Variants in GPC5 observed in about 807,000 individuals in gnomAD.
GPC5 encodes the protein glypican-5.
GPC5 carries 47 observed loss-of-function variants against 53.9 expected under a neutral mutation model. The observed-to-expected ratio is 0.87, with a 90% confidence interval of 0.69 to 1.11. GPC5 has a LOEUF of 1.11. GPC5 is among the 50% of genes most tolerant of loss of function. The probability of loss-of-function intolerance (pLI) is 0.00; values close to 1 mark genes in which losing one functional copy is unlikely to be tolerated. For missense variants in GPC5, 748 were observed against 713.1 expected, an observed-to-expected ratio of 1.05 and a Z score of -0.56; for synonymous variants, 286 against 263.3, an observed-to-expected ratio of 1.09 and a Z score of -0.84.
intron 6 of GPC5, among the ~76,000 whole-genome samples, chr13:91,935,203 T>C (rs2039858838): frequency 6.6e-6 from 1 of 151,942 alleles, no homozygotes; most frequent in African/African-American, 2.4e-5. Flanking sequence ...ATAAGAATAA[T>C]CTCATCTGAA....
intron 7 of GPC5, among the ~76,000 whole-genome samples, chr13:92,771,112 C>G (rs754427047): frequency 3.9e-5 from 6 of 152,120 alleles, no homozygotes; most frequent in Non-Finnish European, 8.8e-5. Context: ...TCCCTGTGAT[C>G]TCCTGACAAC....
chr13:92,181,477 T>C (rs78602692), intron 7 of GPC5, among the ~76,000 whole-genome samples: 4,403 of 152,288 alleles, frequency 0.029, 211 homozygotes, highest in African/African-American at 0.097. Flanking sequence ...TTGCTATATA[T>C]CATGCTAAGT....
In GPC5 at chr13:92,866,636, A is replaced by G. The variant is rs763888531; in HGVS notation, c.*197A>G. ...CGTTTAAATGACACACTTTAAAAAT[A>G]TGTCTTTTTTCAATCTAACTGAAAA... On this transcript the variant is annotated 3_prime_UTR_variant, in exon 8 of 8. Coordinates refer to ENST00000377067, the MANE Select transcript of GPC5 (RefSeq NM_004466.6). The G allele has an allele frequency of 1.0e-5, 4 of 394,900 alleles. No individual in the cohort carries two copies. The highest frequency in any genetic ancestry group is 8.9e-6 in the Non-Finnish European group (2 of 225,350). 24.5% of individuals were successfully genotyped at this position (394,900 alleles called of 1,614,324 possible).
At chr13:92,711,248 A>C (rs2139269748) in intron 7 of GPC5, among the ~76,000 whole-genome samples, 1 of 152,314 alleles carries the variant, frequency 6.6e-6, no homozygotes, top group South Asian at 2.1e-4. Flanking sequence ...GACCCTACTT[A>C]TTAAAAATTT....
intron 7 of GPC5, among the ~76,000 whole-genome samples, chr13:92,314,380 C>T (rs538796884): frequency 6.6e-6 from 1 of 152,232 alleles, no homozygotes; most frequent in South Asian, 2.1e-4. Flanking sequence ...AGTCACACCC[C>T]AAAGAGATAA....
chr13:92,429,617 C>T (rs566712663), intron 7 of GPC5, among the ~76,000 whole-genome samples: 18 of 151,854 alleles, frequency 1.2e-4, no homozygotes, highest in Non-Finnish European at 2.2e-4. Context: ...ACCATTTTCA[C>T]ATATCATTTG....
chr13:92,428,245 G>A (rs1876925422), intron 7 of GPC5, among the ~76,000 whole-genome samples: 1 of 152,052 alleles, frequency 6.6e-6, no homozygotes, highest in Admixed American at 6.6e-5. Flanking sequence ...CTCCTGTCTT[G>A]GATGATATCC....
chr13:92,641,333 C>T (rs1885588643), intron 7 of GPC5, among the ~76,000 whole-genome samples: 1 of 151,998 alleles, frequency 6.6e-6, no homozygotes, highest in African/African-American at 2.4e-5. Flanking sequence ...CATGAGAACA[C>T]ATCAATCAAG....
chr13:92,102,660 TGG>T (rs1230127513), intron 6 of GPC5, among the ~76,000 whole-genome samples: 2 of 152,152 alleles, frequency 1.3e-5, no homozygotes, highest in Non-Finnish European at 2.9e-5. Context: ...CATAGCACAG[TGG>T]GAAGGATTCA....
chr13:91,939,729 A>G (rs1445547279), intron 6 of GPC5, among the ~76,000 whole-genome samples: 1 of 152,156 alleles, frequency 6.6e-6, no homozygotes, highest in East Asian at 1.9e-4. Context: ...TCAGAAGATT[A>G]GACCACATAT....
rs1248607413 is a variant in GPC5, at chr13:92,685,562, T to TTTTTTTTTTTAA, written c.1562-180710_1562-180709insAATTTTTTTTTT. ...TATGCTCATTTTTTTTTTTTTTAAT[T>TTTTTTTTTTTAA]TTTTTTTTTTTTATTATACTCTAAG... On this transcript the variant is annotated intron_variant, in intron 7 of 7. Transcript: ENST00000377067. 2.2e-3 allele frequency among the ~76,000 whole-genome samples: 150 copies of TTTTTTTTTTTAA among 69,386 alleles called. 1 individual carries two copies. The highest frequency in any genetic ancestry group is 7.4e-3 in the African/African-American group (133 of 17,904). 45.5% of individuals were successfully genotyped at this position (69,386 alleles called of 152,430 possible). A position where few individuals can be genotyped will look rare whatever the true frequency, so the allele number is the denominator to read the frequency against.
At chr13:91,477,673 A>C (rs1294312611) in intron 2 of GPC5, among the ~76,000 whole-genome samples, 2 of 152,212 alleles carry the variant, frequency 1.3e-5, no homozygotes, top group Non-Finnish European at 2.9e-5. Context: ...CCTAGTGGTA[A>C]AAGTGAGGCA....
At chr13:91,401,859 T>G (rs1876979334) in intron 1 of GPC5, among the ~76,000 whole-genome samples, 1 of 152,146 alleles carries the variant, frequency 6.6e-6, no homozygotes, top group Admixed American at 6.5e-5. Flanking sequence ...CCTAAGGATG[T>G]TTGGATGAGA....
intron 5 of GPC5, among the ~76,000 whole-genome samples, chr13:91,778,693 C>A (rs2037750213): frequency 6.6e-6 from 1 of 152,188 alleles, no homozygotes; most frequent in South Asian, 2.1e-4. Flanking sequence ...CCAACCTTGA[C>A]CCTTGTCCAT....
intron 7 of GPC5, among the ~76,000 whole-genome samples, chr13:92,258,726 C>G (rs546972444): frequency 1.3e-5 from 2 of 152,252 alleles, no homozygotes; most frequent in East Asian, 3.9e-4. Context: ...CACACACTAA[C>G]ATAAATCAAT....
chr13:91,582,340 G>A (rs558894042), intron 2 of GPC5, among the ~76,000 whole-genome samples: 1 of 152,230 alleles, frequency 6.6e-6, no homozygotes, highest in South Asian at 2.1e-4. Context: ...ATTCTCTGGA[G>A]AAAGATAATA....
chr13:92,795,805 C>T (rs1303544289), intron 7 of GPC5, among the ~76,000 whole-genome samples: 1 of 152,084 alleles, frequency 6.6e-6, no homozygotes, highest in African/African-American at 2.4e-5. Context: ...ATCAAAACCA[C>T]AGTGAAATAG....
intron 7 of GPC5, among the ~76,000 whole-genome samples, chr13:92,279,270 C>T (rs9523583): frequency 0.086 from 13,006 of 151,916 alleles, 618 homozygotes; most frequent in Middle Eastern, 0.12. Context: ...GTATTGTTTC[C>T]GCTTTGGATG....
At chr13:92,458,958 G>A (rs1878379113) in intron 7 of GPC5, among the ~76,000 whole-genome samples, 1 of 152,098 alleles carries the variant, frequency 6.6e-6, no homozygotes, top group African/African-American at 2.4e-5. Flanking sequence ...TTTGAATAAT[G>A]CTGTTTTTAT....
Sources: gnomAD v4.1 joint callset for allele counts (sites outside exome capture counted in the v4.1 genomes callset) on GRCh38, gnomAD v4.1.1 for gene constraint, MANE v1.5 for transcripts, NCBI Gene and HGNC (gene_info 2026-07-23, HGNC 2026-07-21) for gene names.